Variants in COL4A1 observed in about 807,000 individuals in gnomAD.
COL4A1 encodes the protein collagen type IV alpha 1 chain.
In COL4A1, 40 loss-of-function variants were observed where a neutral mutation model predicts 216.6. That is an observed-to-expected ratio of 0.18 (90% CI 0.14 to 0.24). The LOEUF is 0.24. Ranked by LOEUF, COL4A1 falls within the 10% of genes least tolerant of loss-of-function variation. The pLI, the probability that COL4A1 is intolerant of heterozygous loss-of-function variation, is 1.00. For synonymous variants in COL4A1, 839 were observed against 810.7 expected, an observed-to-expected ratio of 1.03 and a Z score of -0.59; for missense variants, 1,628 against 2,196.8, an observed-to-expected ratio of 0.74 and a Z score of 5.18.
At chr13:110,175,565 C>T (rs1877843625) in intron 36 of COL4A1, among the ~76,000 whole-genome samples, 1 of 152,342 alleles carries the variant, frequency 6.6e-6, no homozygotes, top group South Asian at 2.1e-4. Flanking sequence ...CACATCAGAG[C>T]CACGCTAGGA....
At chr13:110,186,296 C>T (rs1395415811) in intron 26 of COL4A1, 89 bp downstream of exon 26, 23 of 1,528,484 alleles carry the variant, frequency 1.5e-5, no homozygotes, top group Non-Finnish European at 1.8e-5. Context: ...CTGGCCTATG[C>T]GAACCCCAGG....
At chr13:110,161,771 T>C (rs1877097400) in intron 48 of COL4A1, among the ~76,000 whole-genome samples, 1 of 152,210 alleles carries the variant, frequency 6.6e-6, no homozygotes, top group African/African-American at 2.4e-5. Context: ...CAGATTAAGA[T>C]AATGAGGACA....
chr13:110,221,192 T>C (rs1312029288), intron 2 of COL4A1, among the ~76,000 whole-genome samples: 1 of 152,206 alleles, frequency 6.6e-6, no homozygotes, highest in East Asian at 1.9e-4. Context: ...ACTCAAGTCA[T>C]ATGTAATCCA....
chr13:110,232,909 G>T (rs1214721307), intron 2 of COL4A1, among the ~76,000 whole-genome samples: 2 of 152,122 alleles, frequency 1.3e-5, no homozygotes, highest in Non-Finnish European at 2.9e-5. Flanking sequence ...GTCCCACAGC[G>T]CATGGCAAAA....
rs1413240359 is a variant in COL4A1 at position 110,155,266 on chromosome 13, T to C, written c.4755+17A>G. On this transcript the variant is annotated intron_variant, in intron 50 of 51. Transcript: ENST00000375820. ...GGGGCTCTTCCCGGGAAATATGGCG[T>C]CTCCCCAGACACTTACCATCACAAA... The C allele has an allele frequency of 6.3e-7, 1 of 1,589,316 alleles. No homozygotes were observed.
rs371902686 is a variant in COL4A1 at position 110,192,844 on chromosome 13, G to A, written c.1451C>T (p.Pro484Leu). 1.2e-6 allele frequency: 2 copies of A among 1,613,946 alleles called. No homozygotes were observed. The highest frequency in any genetic ancestry group is 1.1e-5 in the South Asian group (1 of 91,070). ...GYRGPPGPQGPPGEIGFPGQP... is the reference protein window; with the variant it reads ...GYRGPPGPQGLPGEIGFPGQP... ...GTGGGTCTTACCTATTTCTCCCGGGGGTCCCTGTGGCCCGGGAGGCCCCCG... is the reference window on the plus strand; with the variant it reads ...GTGGGTCTTACCTATTTCTCCCGGGAGTCCCTGTGGCCCGGGAGGCCCCCG... The change falls in exon 23 of 52, where the codon CCC (proline) becomes CTC (leucine). Residue 484 changes from proline (P) to leucine (L), a missense_variant. Transcript: ENST00000375820.
intron 1 of COL4A1, among the ~76,000 whole-genome samples, chr13:110,273,334 G>A (rs535700414): frequency 8.1e-4 from 124 of 152,338 alleles, no homozygotes; most frequent in African/African-American, 2.9e-3. Flanking sequence ...TCAGTGGAAT[G>A]ACCTACCTGT....
At chr13:110,173,856 T>A in intron 40 of COL4A1, 44 bp downstream of exon 40, 1 of 1,610,160 alleles carries the variant, frequency 6.2e-7, no homozygotes, top group Non-Finnish European at 8.5e-7. Context: ...TCTCTGGGAG[T>A]GGACACTGCT....
In COL4A1 at chr13:110,150,153, C is replaced by T; in HGVS notation, c.*210G>A. The T allele has an allele frequency of 1.6e-6, 1 of 618,650 alleles. No individual in the cohort carries two copies. The highest frequency in any genetic ancestry group is 2.9e-6 in the Non-Finnish European group (1 of 341,682). The allele number at this position is 618,650 out of a possible 1,614,324, so 38.3% of individuals were successfully genotyped here. On this transcript the variant is annotated 3_prime_UTR_variant, in exon 52 of 52. Transcript: ENST00000375820. ...TCATCAAAAGTGCCATTTGGTATGC[C>T]ACTATTGAAAGCTTATCGCTGTCTT...
Position 110,207,289 on chromosome 13 carries a change from C to A in COL4A1, c.780+114G>T. Reference sequence around the variant, plus strand: ...CTGAACAGTCTATAAATCTGTTTTCCAGACCAGGATTGAATGTAGCTGGAA... The same window carrying A: ...CTGAACAGTCTATAAATCTGTTTTCAAGACCAGGATTGAATGTAGCTGGAA... On this transcript the variant is annotated intron_variant, in intron 13 of 51. Coordinates refer to ENST00000375820, the MANE Select transcript of COL4A1 (RefSeq NM_001845.6). The surrounding 1 kb of genome is among the most constrained non-coding windows in gnomAD (Gnocchi z 4.4). The A allele has an allele frequency of 1.1e-6, 1 of 921,954 alleles. No homozygotes were observed. Among genetic ancestry groups the A allele is most frequent in the East Asian group, 2.4e-5 (1 of 41,228 alleles). The allele number at this position is 921,954 out of a possible 1,614,324, so 57.1% of individuals were successfully genotyped here.
At chr13:110,192,466 C>T (rs761055929) in intron 23 of COL4A1, among the ~76,000 whole-genome samples, 182 bp from the exon 24 acceptor site, 21 of 152,156 alleles carry the variant, frequency 1.4e-4, no homozygotes, top group Admixed American at 3.3e-4. Context: ...GGTGACCCGA[C>T]GCACATGTAC....
chr13:110,197,908 T>G (rs1878977411), intron 21 of COL4A1, among the ~76,000 whole-genome samples: 1 of 152,222 alleles, frequency 6.6e-6, no homozygotes, highest in Admixed American at 6.5e-5. Flanking sequence ...GCTTAAATCC[T>G]TGGAGATTTT....
intron 45 of COL4A1, 152 bp from the exon 46 acceptor site, chr13:110,165,142 C>G: frequency 3.4e-6 from 4 of 1,177,610 alleles, no homozygotes; most frequent in Non-Finnish European, 4.7e-6. Context: ...CAGATCTTCA[C>G]AAAACATGTC....
Position 110,287,812 on chromosome 13 carries a change from G to A in COL4A1, c.84+19132C>T, listed in dbSNP as rs74124032. ...TTTCCTTTCAGGGGCTAATGCAGGCGCTACAATACCTGCAGCACAGGAAGC... is the reference window on the plus strand; with the variant it reads ...TTTCCTTTCAGGGGCTAATGCAGGCACTACAATACCTGCAGCACAGGAAGC... On this transcript the variant is annotated intron_variant, in intron 1 of 51. Transcript: ENST00000375820. Among the ~76,000 whole-genome samples, 758 of 152,272 alleles carry A rather than the reference G, an allele frequency of 5.0e-3. 9 individuals carry two copies. Among genetic ancestry groups the A allele is most frequent in the African/African-American group, 0.017 (709 of 41,544 alleles).
intron 21 of COL4A1, among the ~76,000 whole-genome samples, chr13:110,198,075 T>TGG (rs1353114772): frequency 2.9e-4 from 28 of 96,902 alleles, no homozygotes; most frequent in South Asian, 6.4e-4. Context: ...TCCTTGTTTC[T>TGG]GGGGTGTGTG....
chr13:110,253,035 A>G (rs539024648), intron 1 of COL4A1, among the ~76,000 whole-genome samples: 1 of 71,114 alleles, frequency 1.4e-5, no homozygotes, highest in East Asian at 5.5e-4. Flanking sequence ...TATTACATAT[A>G]CATATAACTA....
chr13:110,165,091 G>C, intron 45 of COL4A1, 101 bp from the exon 46 acceptor site: 5 of 1,517,068 alleles, frequency 3.3e-6, no homozygotes, highest in South Asian at 2.5e-5. Context: ...CAAATGGAAC[G>C]TACTTCTCAA....
chr13:110,275,196 A>T (rs374471763), intron 1 of COL4A1, among the ~76,000 whole-genome samples: 10 of 152,244 alleles, frequency 6.6e-5, no homozygotes, highest in Middle Eastern at 3.2e-3. Context: ...ATACAAAGAC[A>T]TCTTAAACTC....
chr13:110,152,218 T>C, intron 51 of COL4A1, 116 bp downstream of exon 51: 2 of 1,499,104 alleles, frequency 1.3e-6, no homozygotes, highest in Non-Finnish European at 1.8e-6. Flanking sequence ...GCATCAAATA[T>C]TCATTGCTAA....
Sources: allele counts gnomAD v4.1 joint callset (sites outside exome capture counted in the v4.1 genomes callset), GRCh38; gene constraint gnomAD v4.1.1; non-coding constraint Gnocchi (gnomAD v3.1); transcripts MANE v1.5; gene names NCBI Gene and HGNC (gene_info 2026-07-23, HGNC 2026-07-21).